The following PLXNA2 variants were observed in gnomAD, a reference collection of about 807,000 sequenced individuals.
The protein encoded by PLXNA2 is plexin-A2.
In PLXNA2, 91 loss-of-function variants were observed where a neutral mutation model predicts 193.5. That is an observed-to-expected ratio of 0.47 (90% CI 0.40 to 0.56). PLXNA2 has a LOEUF of 0.56. Ranked by LOEUF, PLXNA2 falls within the 20% of genes least tolerant of loss-of-function variation. PLXNA2 has a pLI of 0.00. For synonymous variants in PLXNA2, 997 were observed against 1,027.3 expected (o/e 0.97, Z 0.56); for missense variants, 1,995 against 2,503.2 (o/e 0.80, Z 4.33).
At chr1:208,198,413 T>G (rs1260730819) in intron 3 of PLXNA2, among the ~76,000 whole-genome samples, 2 of 152,208 alleles carry the variant, frequency 1.3e-5, no homozygotes, top group Non-Finnish European at 2.9e-5. Flanking sequence ...GGCCCCACGC[T>G]TTACCCAGCA....
intron 12 of PLXNA2, among the ~76,000 whole-genome samples, chr1:208,061,819 T>A (rs796840283): frequency 1.6e-4 from 25 of 152,276 alleles, no homozygotes; most frequent in African/African-American, 5.8e-4. Context: ...TTGTGGCCAA[T>A]AGTTATCTGA....
chr1:208,170,252 T>A (rs925202807), intron 3 of PLXNA2, among the ~76,000 whole-genome samples: 1 of 152,242 alleles, frequency 6.6e-6, no homozygotes, highest in African/African-American at 2.4e-5. Flanking sequence ...CTATTTTACC[T>A]TAAAGAGACA....
rs1030831096 is a variant in PLXNA2, at chr1:208,132,892, G to C, written c.1506+9437C>G. Among the ~76,000 whole-genome samples the C allele has an allele frequency of 2.0e-5, 3 of 152,166 alleles. No homozygotes were observed. The East Asian group carries it at 5.8e-4, about 29-fold the overall frequency. ...GGTGAGGTAACTGAAGCACAGAAAG[G>C]TGAAGCAACTTGCCCAAGGTCACAT... is the stretch of plus-strand genomic sequence containing the variant. On this transcript the variant is annotated intron_variant, in intron 4 of 31. Coordinates refer to ENST00000367033, the MANE Select transcript of PLXNA2 (RefSeq NM_025179.4).
chr1:208,183,436 G>C (rs570466108), intron 3 of PLXNA2, among the ~76,000 whole-genome samples: 1 of 152,312 alleles, frequency 6.6e-6, no homozygotes, highest in African/African-American at 2.4e-5. Flanking sequence ...TGCAGGCCTC[G>C]TTGACTCTGC....
At chr1:208,042,967 C>A in intron 21 of PLXNA2, 94 bp downstream of exon 21, 2 of 1,300,190 alleles carry the variant, frequency 1.5e-6, no homozygotes, top group Admixed American at 1.9e-5. Flanking sequence ...TCCCTGCTAA[C>A]CTTACTCAGT....
chr1:208,157,515 T>C (rs1332839943), intron 3 of PLXNA2, among the ~76,000 whole-genome samples: 2 of 152,128 alleles, frequency 1.3e-5, no homozygotes, highest in Non-Finnish European at 2.9e-5. Context: ...TAAGGAAGAG[T>C]TGGCCAGTGG....
chr1:208,104,495 G>A (rs898300150), intron 4 of PLXNA2, among the ~76,000 whole-genome samples: 1 of 152,320 alleles, frequency 6.6e-6, no homozygotes, highest in African/African-American at 2.4e-5. Flanking sequence ...ATTGCTGTGA[G>A]TGCTGAAGGT....
chr1:208,241,355 G>A (rs1398069609), intron 1 of PLXNA2, among the ~76,000 whole-genome samples: 1 of 152,194 alleles, frequency 6.6e-6, no homozygotes, highest in Non-Finnish European at 1.5e-5. Context: ...CTGAAGACAG[G>A]GATAGGTATT....
chr1:208,071,581 G>A (rs1392441466), intron 12 of PLXNA2, among the ~76,000 whole-genome samples: 2 of 152,174 alleles, frequency 1.3e-5, no homozygotes, highest in African/African-American at 2.4e-5. Flanking sequence ...CCCAGCTGAC[G>A]AGCTCTGTAG....
At chr1:208,031,199 GC>G (rs1664491526) in intron 29 of PLXNA2, 2 of 1,039,546 alleles carry the variant, frequency 1.9e-6, no homozygotes, top group African/African-American at 3.4e-5. Flanking sequence ...CACTCAGAAT[GC>G]CCCACGATGT....
intron 29 of PLXNA2, chr1:208,029,322 T>C: frequency 8.0e-7 from 1 of 1,250,792 alleles, no homozygotes; most frequent in Non-Finnish European, 1.0e-6. Context: ...CTGGGAGACT[T>C]TTCTAAAGGA....
intron 1 of PLXNA2, among the ~76,000 whole-genome samples, chr1:208,239,673 A>C (rs922713414): frequency 1.3e-5 from 2 of 152,196 alleles, no homozygotes; most frequent in Admixed American, 6.5e-5. Context: ...AGCTGTCTAT[A>C]ACCTGAGCTC....
chr1:208,178,164 C>T (rs191975102), intron 3 of PLXNA2, among the ~76,000 whole-genome samples: 6 of 152,294 alleles, frequency 3.9e-5, no homozygotes, highest in Middle Eastern at 3.4e-3. Context: ...AAAGGTCACG[C>T]TCCCATGGCA....
At chr1:208,031,532 C>G in intron 29 of PLXNA2, 58 bp downstream of exon 29, 6 of 1,590,924 alleles carry the variant, frequency 3.8e-6, no homozygotes, top group Non-Finnish European at 5.2e-6. Flanking sequence ...GGTCCTCATC[C>G]CTCTTAGCTC....
At chr1:208,057,487 A>G (rs953904436) in intron 13 of PLXNA2, among the ~76,000 whole-genome samples, 2 of 152,178 alleles carry the variant, frequency 1.3e-5, no homozygotes, top group African/African-American at 4.8e-5. Context: ...TGGGTTCCTC[A>G]GGTTCTGAGA....
In PLXNA2 at chr1:208,103,243, G is replaced by T; in HGVS notation, c.1511C>A (p.Thr504Asn). 1 of 1,613,232 alleles carries T rather than the reference G, an allele frequency of 6.2e-7. No homozygotes were observed. Among genetic ancestry groups the T allele is most frequent in the Non-Finnish European group, 8.5e-7 (1 of 1,179,550 alleles). The change falls in exon 5 of 32, where the codon ACC becomes AAC. Residue 504 changes from threonine (T) to asparagine (N), a missense_variant. Thr to Asn is a moderately conservative substitution (Grantham distance 65). Around this residue, in one of 3 missense-constraint regions of PLXNA2, gnomAD observed 702 missense variants for 812.9 expected, o/e 0.86. Coordinates refer to ENST00000367033, the MANE Select transcript of PLXNA2 (RefSeq NM_025179.4). ...CTCACATGACTCCACGGGGACCCTG[G>T]TGACCTGGCAGAGAGAGCAAAGAGG... ...YLYVMSERQV[T>N]RVPVESCEQY... is the part of the protein sequence containing the mutation.
intron 21 of PLXNA2, 87 bp downstream of exon 21, chr1:208,042,974 C>T (rs1664924943): frequency 1.5e-6 from 2 of 1,365,268 alleles, no homozygotes; most frequent in Non-Finnish European, 2.0e-6. Context: ...TAACCTTACT[C>T]AGTACTGCTG....
chr1:208,234,688 C>G (rs949331552), intron 1 of PLXNA2, among the ~76,000 whole-genome samples: 1 of 152,172 alleles, frequency 6.6e-6, no homozygotes, highest in Non-Finnish European at 1.5e-5. Flanking sequence ...TGTCCCTGCC[C>G]CCAGGAGCTC....
rs182201271 is a variant in PLXNA2 at position 208,207,013 on chromosome 1, G to A, written c.1371+3267C>T. 1.4e-4 allele frequency among the ~76,000 whole-genome samples: 21 copies of A among 151,614 alleles called. 1 individual carries two copies. The highest frequency in any genetic ancestry group is 4.8e-4 in the African/African-American group (20 of 41,316). On this transcript the variant is annotated intron_variant, in intron 3 of 31. Transcript: ENST00000367033. ...TCTTGTTTTTGTTTTGCTTTGTTTTGTTTTGCTTTTGAGATGGAGTCTCAC... is the reference window on the plus strand; with the variant it reads ...TCTTGTTTTTGTTTTGCTTTGTTTTATTTTGCTTTTGAGATGGAGTCTCAC...
Sources: gnomAD v4.1 joint callset for allele counts (sites outside exome capture counted in the v4.1 genomes callset) on GRCh38, gnomAD v4.1.1 for gene constraint, gnomAD v4.1.1 regional missense constraint, MANE v1.5 for transcripts, NCBI Gene and HGNC (gene_info 2026-07-23, HGNC 2026-07-21) for gene names.